Variants in CD226 observed in about 807,000 individuals in gnomAD.
CD226 encodes the protein CD226 antigen.
A neutral mutation model predicts 34.9 loss-of-function variants in CD226; 24 were observed. The observed-to-expected ratio is 0.69, with a 90% CI of 0.50 to 0.97. The LOEUF (loss-of-function observed/expected upper bound fraction) is 0.97. Among genes scored for constraint, CD226 ranks in the 50% least tolerant of loss-of-function variants. The pLI is 0.00. For synonymous variants in CD226, 148 were observed against 147.4 expected, an observed-to-expected ratio of 1.00 and a Z score of -0.03; for missense variants, 397 against 412.7, an observed-to-expected ratio of 0.96 and a Z score of 0.33.
At chr18:69,900,857 G>T (rs1005417895) in intron 2 of CD226, among the ~76,000 whole-genome samples, 1 of 151,996 alleles carries the variant, frequency 6.6e-6, no homozygotes, top group African/African-American at 2.4e-5. Flanking sequence ...TTGATTTTGG[G>T]GGAGATTTAC....
intron 2 of CD226, among the ~76,000 whole-genome samples, chr18:69,916,606 C>T (rs2055388966): frequency 1.3e-5 from 2 of 152,150 alleles, no homozygotes; most frequent in Admixed American, 6.5e-5. Flanking sequence ...CATCAAACCA[C>T]ACAATATTTT....
intron 2 of CD226, among the ~76,000 whole-genome samples, chr18:69,919,203 T>C (rs1349420897): frequency 6.6e-6 from 1 of 152,224 alleles, no homozygotes; most frequent in Non-Finnish European, 1.5e-5. Context: ...CTCAGCTAAT[T>C]TGCCACTTCG....
chr18:69,875,386 C>T (rs1007342583), intron 3 of CD226, among the ~76,000 whole-genome samples: 1 of 152,200 alleles, frequency 6.6e-6, no homozygotes, highest in Admixed American at 6.5e-5. Context: ...GATCCATCTG[C>T]CTTGGCCTCC....
chr18:69,889,404 C>A (rs904635909), intron 3 of CD226, among the ~76,000 whole-genome samples: 5 of 151,840 alleles, frequency 3.3e-5, no homozygotes, highest in African/African-American at 1.2e-4. Context: ...CACACCAGTT[C>A]AGACAATCCT....
At chr18:69,955,862 C>A (rs865865196) in intron 1 of CD226, among the ~76,000 whole-genome samples, 119 of 83,174 alleles carry the variant, frequency 1.4e-3, no homozygotes, top group African/African-American at 2.7e-3. Flanking sequence ...GACTCCATCT[C>A]AAAAAAAAAA....
chr18:69,920,682 CA>C (rs2055440443), intron 2 of CD226, among the ~76,000 whole-genome samples: 1 of 152,110 alleles, frequency 6.6e-6, no homozygotes, highest in African/African-American at 2.4e-5. Flanking sequence ...GTGTGATAAA[CA>C]CTTTGCAGCG....
chr18:69,904,015 C>T (rs1378754436), intron 2 of CD226, among the ~76,000 whole-genome samples: 1 of 152,156 alleles, frequency 6.6e-6, no homozygotes, highest in African/African-American at 2.4e-5. Flanking sequence ...AACACTGCTT[C>T]CCACACGTTG....
chr18:69,866,584 G>A lies in CD226; in HGVS notation c.885+773C>T, dbSNP rs1178930784. On this transcript the variant is annotated intron_variant, in intron 5 of 5. Transcript: ENST00000582621. Reference sequence around the variant, plus strand: ...TGAATATCATTACGTTCTTCTATGTGCTTGCTACGCTTCTGGTTCTTTTAT... The same window carrying A: ...TGAATATCATTACGTTCTTCTATGTACTTGCTACGCTTCTGGTTCTTTTAT... Among the ~76,000 whole-genome samples, 6 of 152,130 alleles carry A rather than the reference G, an allele frequency of 3.9e-5. No individual in the cohort carries two copies. The East Asian group carries it at 1.2e-3, about 29-fold the overall frequency.
In CD226 at chr18:69,946,991, A is replaced by T. The variant is rs148966003; in HGVS notation, c.125T>A (p.Met42Lys). The T allele has an allele frequency of 6.2e-7, 1 of 1,614,092 alleles. No homozygotes were observed. The highest frequency in any genetic ancestry group is 8.5e-7 in the Non-Finnish European group (1 of 1,180,028). ...NMSLECVYPS[M>K]GILTQVEWFK... ...CCACTCCACCTGTGTTAAGATGCCC[A>T]TTGATGGATACACACATTCTAGAGA... Residue 42 changes from methionine (M) to lysine (K), a missense_variant, in exon 2 of 6, where the codon ATG becomes AAG. Transcript: ENST00000582621.
intron 3 of CD226, among the ~76,000 whole-genome samples, chr18:69,877,545 T>C (rs967244684): frequency 6.6e-6 from 1 of 152,176 alleles, no homozygotes; most frequent in South Asian, 2.1e-4. Flanking sequence ...GTCCAGACTT[T>C]AGATATGGGG....
chr18:69,951,729 A>G (rs1037429354), upstream of CD226, among the ~76,000 whole-genome samples: 1 of 152,250 alleles, frequency 6.6e-6, no homozygotes, highest in African/African-American at 2.4e-5. Context: ...GGGTATTGGC[A>G]TATACATAGA....
chr18:69,897,771 G>A lies in CD226; in HGVS notation c.383-1726C>T, dbSNP rs141741887. Among the ~76,000 whole-genome samples, 199 of 152,304 alleles carry A rather than the reference G, an allele frequency of 1.3e-3. 1 individual carries two copies. The highest frequency in any genetic ancestry group is 1.9e-3 in the Non-Finnish European group (131 of 68,024). ...AAGAGAGAATGAAAGCAAGTCTAAAGTGCAGTAAGATTTGCCATCTATTGA... is the reference window on the plus strand; with the variant it reads ...AAGAGAGAATGAAAGCAAGTCTAAAATGCAGTAAGATTTGCCATCTATTGA... On this transcript the variant is annotated intron_variant, in intron 2 of 5. Transcript: ENST00000582621.
At chr18:69,904,243 C>T (rs541139188) in intron 2 of CD226, among the ~76,000 whole-genome samples, 7 of 152,192 alleles carry the variant, frequency 4.6e-5, no homozygotes, top group African/African-American at 1.7e-4. Flanking sequence ...ATTCAGGCTG[C>T]GTGTCCTGCA....
At chr18:69,925,779 G>T (rs1188651934) in intron 2 of CD226, among the ~76,000 whole-genome samples, 1 of 152,092 alleles carries the variant, frequency 6.6e-6, no homozygotes, top group Non-Finnish European at 1.5e-5. Context: ...TCTCTCTCAA[G>T]ACATTAAAAC....
intron 2 of CD226, among the ~76,000 whole-genome samples, chr18:69,934,460 A>G (rs1428599956): frequency 6.6e-6 from 1 of 152,224 alleles, no homozygotes; most frequent in Non-Finnish European, 1.5e-5. Context: ...GATTCTGCTC[A>G]TTAAATGGTG....
At chr18:69,913,876 G>A (rs186670744) in intron 2 of CD226, among the ~76,000 whole-genome samples, 5 of 152,242 alleles carry the variant, frequency 3.3e-5, no homozygotes, top group Admixed American at 6.5e-5. Flanking sequence ...CAACCTCACC[G>A]GAAAGGGAGA....
chr18:69,958,803 A>ACACACACC (rs896460818), upstream of CD226, among the ~76,000 whole-genome samples: 1 of 151,372 alleles, frequency 6.6e-6, no homozygotes, highest in African/African-American at 2.4e-5. Context: ...ACACACACAC[A>ACACACACC]CACACACACA....
At chr18:69,883,287 A>AT (rs1383974090) in intron 3 of CD226, among the ~76,000 whole-genome samples, 2 of 152,214 alleles carry the variant, frequency 1.3e-5, no homozygotes, top group Non-Finnish European at 2.9e-5. Flanking sequence ...TTTTATAACA[A>AT]TAAAAAAAAC....
At position 69,853,875 on chromosome 18, in the gene CD226, A is replaced by G. The variant is rs1044622257; in HGVS notation, c.*10439T>C. The G allele has an allele frequency of 6.6e-6, 1 of 152,164 alleles. No homozygotes were observed. The highest frequency in any genetic ancestry group is 2.4e-5 in the African/African-American group (1 of 41,424). The allele number at this position is 152,164 out of a possible 1,614,324, so 9.4% of individuals were successfully genotyped here. A position where few individuals can be genotyped will look rare whatever the true frequency, so the allele number is the denominator to read the frequency against. On this transcript the variant is annotated 3_prime_UTR_variant, in exon 6 of 6. Coordinates refer to ENST00000582621, the MANE Select transcript of CD226 (RefSeq NM_001303618.2). ...CAGTTTGATGTCTATACTTCATTTC[A>G]TATTTATTTAAAAAATAAATATGTG...
Sources: allele counts gnomAD v4.1 joint callset (sites outside exome capture counted in the v4.1 genomes callset), GRCh38; gene constraint gnomAD v4.1.1; transcripts MANE v1.5; gene names NCBI Gene and HGNC (gene_info 2026-07-23, HGNC 2026-07-21).